NDUFAF5: variants seen among roughly 807,000 people sequenced by gnomAD.
The protein encoded by NDUFAF5 is arginine-hydroxylase NDUFAF5, mitochondrial.
NDUFAF5 carries 34 observed loss-of-function variants against 48.9 expected under a neutral mutation model. The ratio of observed to expected loss-of-function variants is 0.70; its 90% confidence interval spans 0.53 to 0.93. The LOEUF (loss-of-function observed/expected upper bound fraction) is 0.93. Among genes scored for constraint, NDUFAF5 ranks in the 40% least tolerant of loss-of-function variants. The pLI, the probability that NDUFAF5 is intolerant of heterozygous loss-of-function variation, is 0.00. For missense variants in NDUFAF5, 428 were observed against 427.5 expected, an observed-to-expected ratio of 1.00 and a Z score of -0.01; for synonymous variants, 153 against 150.6, an observed-to-expected ratio of 1.02 and a Z score of -0.12.
rs1275650596 is a variant in NDUFAF5, at chr20:13,820,721, A to G, written c.*3511A>G. On this transcript the variant is annotated 3_prime_UTR_variant, in exon 11 of 11. Coordinates refer to ENST00000378106, the MANE Select transcript of NDUFAF5 (RefSeq NM_024120.5). ...GAAAAAAAAAAAGTACAATTTTTGTATTGATTATGTATTCCTTAAGTAGGA... is the reference window on the plus strand; with the variant it reads ...GAAAAAAAAAAAGTACAATTTTTGTGTTGATTATGTATTCCTTAAGTAGGA... The G allele has an allele frequency of 1.3e-5, 2 of 152,082 alleles. No individual in the cohort carries two copies. Among genetic ancestry groups the G allele is most frequent in the African/African-American group, 4.8e-5 (2 of 41,410 alleles). 9.4% of individuals were successfully genotyped at this position (152,082 alleles called of 1,614,324 possible).
intron 5 of NDUFAF5, among the ~76,000 whole-genome samples, chr20:13,797,250 C>T (rs1047137196): frequency 1.3e-5 from 2 of 152,162 alleles, no homozygotes; most frequent in Non-Finnish European, 2.9e-5. Context: ...TTGGTGTTTA[C>T]CCAAAGGAGA....
chr20:13,796,903 TG>T (rs1250705360), intron 5 of NDUFAF5, among the ~76,000 whole-genome samples: 3 of 152,124 alleles, frequency 2.0e-5, no homozygotes, highest in Admixed American at 1.3e-4. Context: ...TACTTGAACC[TG>T]GGAGGCAGAG....
intron 7 of NDUFAF5, among the ~76,000 whole-genome samples, chr20:13,803,778 A>C (rs905474469): frequency 1.1e-4 from 16 of 150,644 alleles, no homozygotes; most frequent in African/African-American, 3.9e-4. Context: ...AAATAACTAT[A>C]TTTTCTTTTA....
chr20:13,787,232 C>T, intron 1 of NDUFAF5, 80 bp from the exon 2 acceptor site: 1 of 1,427,368 alleles, frequency 7.0e-7, no homozygotes, highest in Non-Finnish European at 9.9e-7. Context: ...TATTTTAAAA[C>T]ATAAGTAACT....
chr20:13,785,046 G>T lies in NDUFAF5; in HGVS notation c.-23G>T, dbSNP rs765019492. 4 of 1,601,040 alleles carry T rather than the reference G, an allele frequency of 2.5e-6. No homozygotes were observed. Among genetic ancestry groups the T allele is most frequent in the Non-Finnish European group, 3.4e-6 (4 of 1,175,246 alleles). ...CTGGCGCATGCGCACAAAAAGCGCC[G>T]GCAATTGGGGTCGCAGCTGGAGATG... On this transcript the variant is annotated 5_prime_UTR_variant, in exon 1 of 11. Coordinates refer to ENST00000378106, the MANE Select transcript of NDUFAF5 (RefSeq NM_024120.5).
At chr20:13,802,683 A>AAT (rs1555835161) in intron 7 of NDUFAF5, among the ~76,000 whole-genome samples, 1 of 148,952 alleles carries the variant, frequency 6.7e-6, no homozygotes, top group Non-Finnish European at 1.5e-5. Context: ...AAAAAAAAAA[A>AAT]AAAAAAAGCA....
Position 13,818,273 on chromosome 20 carries a change from T to G in NDUFAF5, c.*1063T>G, listed in dbSNP as rs1234560659. 2.2e-6 allele frequency: 1 copy of G among 453,068 alleles called. No individual in the cohort carries two copies. Among genetic ancestry groups the G allele is most frequent in the Non-Finnish European group, 4.4e-6 (1 of 226,530 alleles). 28.1% of individuals were successfully genotyped at this position (453,068 alleles called of 1,614,324 possible). On this transcript the variant is annotated 3_prime_UTR_variant, in exon 11 of 11. Coordinates refer to ENST00000378106, the MANE Select transcript of NDUFAF5 (RefSeq NM_024120.5). Reference sequence around the variant, plus strand: ...ACTAATTATATAACAAACTTGCCCTTTGAAAGACTAAGTTATAGTTAAAAA... The same window carrying G: ...ACTAATTATATAACAAACTTGCCCTGTGAAAGACTAAGTTATAGTTAAAAA...
chr20:13,814,129 A>T (rs1353516161), intron 8 of NDUFAF5: 1 of 254,576 alleles, frequency 3.9e-6, no homozygotes, highest in African/African-American at 2.3e-5. Context: ...AGATGTTGTA[A>T]TTAGTGAGTG....
rs1011814280 is a variant in NDUFAF5 at position 13,819,300 on chromosome 20, A to T, written c.*2090A>T. The T allele has an allele frequency of 1.3e-5, 2 of 152,236 alleles. No homozygotes were observed. Among genetic ancestry groups the T allele is most frequent in the Admixed American group, 6.5e-5 (1 of 15,290 alleles). 9.4% of individuals were successfully genotyped at this position (152,236 alleles called of 1,614,324 possible). Reference sequence around the variant, plus strand: ...AAAAGGTCTTTATCAAAAATTTTTCATAAATGTTACATTCTTAAATGGTAT... The same window carrying T: ...AAAAGGTCTTTATCAAAAATTTTTCTTAAATGTTACATTCTTAAATGGTAT... On this transcript the variant is annotated 3_prime_UTR_variant, in exon 11 of 11. Transcript: ENST00000378106.
rs1181896381 is a variant in NDUFAF5 at position 13,801,730 on chromosome 20, G to T, written c.717+47G>T. ...CCCATAACTTACACAGTTCAAAAAA[G>T]AACTTCTTATCATTTTAAAGATAGA... On this transcript the variant is annotated intron_variant, in intron 7 of 10. Transcript: ENST00000378106. 2.7e-6 allele frequency: 4 copies of T among 1,490,614 alleles called. No homozygotes were observed. The African/African-American group carries it at 5.5e-5, about 21-fold the overall frequency. 92.3% of individuals were successfully genotyped at this position (1,490,614 alleles called of 1,614,324 possible).
Position 13,818,450 on chromosome 20 carries a change from T to A in NDUFAF5, c.*1240T>A. ...GGCGTTTTGTTTTTTGGGGTTTTTT[T>A]TTTTTTTAGCTTAATTTTCAGAACT... On this transcript the variant is annotated 3_prime_UTR_variant, in exon 11 of 11. Transcript: ENST00000378106. The A allele has an allele frequency of 2.9e-6, 1 of 341,294 alleles. No homozygotes were observed. The highest frequency in any genetic ancestry group is 5.7e-6 in the Non-Finnish European group (1 of 176,822). The allele number at this position is 341,294 out of a possible 1,614,324, so 21.1% of individuals were successfully genotyped here.
intron 7 of NDUFAF5, among the ~76,000 whole-genome samples, chr20:13,806,526 TA>T (rs1174918057): frequency 6.6e-6 from 1 of 151,826 alleles, no homozygotes; most frequent in Non-Finnish European, 1.5e-5. Flanking sequence ...AAAAATAAAA[TA>T]AAAAAAATGG....
chr20:13,813,002 T>G (rs1986055465), intron 8 of NDUFAF5: 1 of 152,388 alleles, frequency 6.6e-6, no homozygotes, highest in Non-Finnish European at 1.5e-5. Context: ...TAGGCTAGAG[T>G]GCAGTGGCAC....
At chr20:13,789,583 C>T (rs1017674557) in intron 3 of NDUFAF5, among the ~76,000 whole-genome samples, 2 of 151,890 alleles carry the variant, frequency 1.3e-5, no homozygotes, top group African/African-American at 2.4e-5. Flanking sequence ...TCATGCCATT[C>T]TCCTGCCTCA....
At chr20:13,805,515 T>G (rs1984870672) in intron 7 of NDUFAF5, among the ~76,000 whole-genome samples, 1 of 152,218 alleles carries the variant, frequency 6.6e-6, no homozygotes, top group Non-Finnish European at 1.5e-5. Flanking sequence ...AATATTGGTG[T>G]AGAATCTTCT....
At position 13,817,755 on chromosome 20, in the gene NDUFAF5, A is replaced by T. The variant is rs1165065420; in HGVS notation, c.*545A>T. The T allele has an allele frequency of 2.2e-6, 1 of 454,128 alleles. No individual in the cohort carries two copies. The highest frequency in any genetic ancestry group is 2.3e-5 in the Admixed American group (1 of 42,582). 28.1% of individuals were successfully genotyped at this position (454,128 alleles called of 1,614,324 possible). ...CCCACCCTACCTTAGGGAAGAAGAA[A>T]ACATTTTAAAGAATACCAGAAGTAG... On this transcript the variant is annotated 3_prime_UTR_variant, in exon 11 of 11. Coordinates refer to ENST00000378106, the MANE Select transcript of NDUFAF5 (RefSeq NM_024120.5).
intron 1 of NDUFAF5, among the ~76,000 whole-genome samples, chr20:13,786,744 G>A (rs1433206163): frequency 1.3e-5 from 2 of 152,190 alleles, no homozygotes; most frequent in Non-Finnish European, 2.9e-5. Context: ...AAAAGGTGGT[G>A]CTTACCTTAT....
At chr20:13,800,611 T>C (rs1230652302) in intron 6 of NDUFAF5, among the ~76,000 whole-genome samples, 2 of 152,256 alleles carry the variant, frequency 1.3e-5, no homozygotes, top group Non-Finnish European at 2.9e-5. Context: ...AATTGATTAC[T>C]TCTCTTTAAC....
intron 8 of NDUFAF5, 155 bp downstream of exon 8, chr20:13,809,057 C>T (rs1432850809): frequency 1.4e-5 from 9 of 647,204 alleles, no homozygotes; most frequent in Non-Finnish European, 2.5e-5. Flanking sequence ...AGAAAGCAGA[C>T]TGTCTTCATG....
Sources: allele counts gnomAD v4.1 joint callset (sites outside exome capture counted in the v4.1 genomes callset), GRCh38; gene constraint gnomAD v4.1.1; transcripts MANE v1.5; gene names NCBI Gene and HGNC (gene_info 2026-07-23, HGNC 2026-07-21).